KMT2C: variants seen among roughly 807,000 people sequenced by gnomAD.
The protein encoded by KMT2C is lysine methyltransferase 2C.
Under a neutral mutation model 507.9 loss-of-function variants are expected in KMT2C, and 88 were observed. That is an observed-to-expected ratio of 0.17 (90% CI 0.15 to 0.21). The LOEUF (loss-of-function observed/expected upper bound fraction) is 0.21. Among genes scored for constraint, KMT2C ranks in the 10% least tolerant of loss-of-function variants. The pLI is 1.00. For missense variants in KMT2C, 4,954 were observed against 5,957.8 expected, an observed-to-expected ratio of 0.83 and a Z score of 5.55; for synonymous variants, 2,049 against 2,080.8, an observed-to-expected ratio of 0.98 and a Z score of 0.42.
intron 39 of KMT2C, among the ~76,000 whole-genome samples, chr7:152,173,870 A>C (rs2093073117): frequency 6.6e-6 from 1 of 152,242 alleles, no homozygotes; most frequent in African/African-American, 2.4e-5. Flanking sequence ...TAATCAGGAA[A>C]TCCAATCTTC....
intron 24 of KMT2C, among the ~76,000 whole-genome samples, chr7:152,206,844 C>T (rs976731624): frequency 3.9e-5 from 6 of 152,136 alleles, no homozygotes; most frequent in Non-Finnish European, 7.4e-5. Flanking sequence ...TTCTAGGAGC[C>T]ATAATAACTC....
At chr7:152,333,505 T>G (rs1215487617) in intron 2 of KMT2C, among the ~76,000 whole-genome samples, 1 of 152,216 alleles carries the variant, frequency 6.6e-6, no homozygotes, top group Non-Finnish European at 1.5e-5. Context: ...AGTCAACATC[T>G]CTAGCACTAA....
At chr7:152,255,130 T>TATATATAC (rs2095633514) in intron 9 of KMT2C, among the ~76,000 whole-genome samples, 1 of 123,200 alleles carries the variant, frequency 8.1e-6, no homozygotes, top group African/African-American at 3.5e-5. Context: ...TATATATATA[T>TATATATAC]ATATATATAT....
intron 6 of KMT2C, among the ~76,000 whole-genome samples, chr7:152,276,285 C>T (rs2096077724): frequency 6.6e-6 from 1 of 152,062 alleles, no homozygotes; most frequent in Non-Finnish European, 1.5e-5. Context: ...CTTGTAAAAT[C>T]GTAGACAATA....
intron 2 of KMT2C, among the ~76,000 whole-genome samples, chr7:152,353,564 T>A (rs1298391125): frequency 2.0e-5 from 3 of 152,064 alleles, no homozygotes; most frequent in African/African-American, 7.2e-5. Flanking sequence ...TGCGACTGAT[T>A]ACAGGTCACT....
intron 1 of KMT2C, among the ~76,000 whole-genome samples, chr7:152,373,889 A>G (rs997058983): frequency 2.6e-5 from 4 of 152,206 alleles, no homozygotes; most frequent in Non-Finnish European, 5.9e-5. Context: ...TTTTTTAAAA[A>G]GGGACAAAGG....
At chr7:152,267,888 T>C (rs1387817223) in intron 7 of KMT2C, among the ~76,000 whole-genome samples, 1 of 152,192 alleles carries the variant, frequency 6.6e-6, no homozygotes, top group Non-Finnish European at 1.5e-5. Context: ...TTGTCTGCCA[T>C]GCACCTCACA....
intron 3 of KMT2C, among the ~76,000 whole-genome samples, chr7:152,322,702 G>C (rs2096783532): frequency 6.6e-6 from 1 of 151,906 alleles, no homozygotes; most frequent in Non-Finnish European, 1.5e-5. Flanking sequence ...TAGACAAATG[G>C]GATGGCTAAA....
chr7:152,256,353 C>T lies in KMT2C; in HGVS notation c.1300-3638G>A, dbSNP rs1324273892. Among the ~76,000 whole-genome samples, 111 of 151,762 alleles carry T rather than the reference C, an allele frequency of 7.3e-4. 1 individual carries two copies. The highest frequency in any genetic ancestry group is 4.4e-5 in the Non-Finnish European group (3 of 67,900). ...AAAAAAAAAATAATAAAAACAAAGT[C>T]AAAAGACACATAATACAGCCTGGAC... is the stretch of plus-strand genomic sequence containing the variant. On this transcript the variant is annotated intron_variant, in intron 9 of 58. Transcript: ENST00000262189.
At chr7:152,175,511 CCT>C (rs1189131696) in intron 38 of KMT2C, among the ~76,000 whole-genome samples, 2 of 151,694 alleles carry the variant, frequency 1.3e-5, no homozygotes, top group Admixed American at 1.3e-4. Flanking sequence ...TGTTCCCCTC[CCT>C]GTGTCCATGT....
At chr7:152,301,393 C>T (rs1334354204) in intron 6 of KMT2C, among the ~76,000 whole-genome samples, 1 of 151,654 alleles carries the variant, frequency 6.6e-6, no homozygotes, top group Non-Finnish European at 1.5e-5. Flanking sequence ...CCTGTAATCC[C>T]AGCTACTTGG....
Position 152,201,305 on chromosome 7 carries a change from C to CACAG in KMT2C, c.4092+1628_4092+1629insCTGT, listed in dbSNP as rs201931822. ...ACATACAGACACAGACACACACACACACACACACACACACACACACACACA... is the reference window on the plus strand; with the variant it reads ...ACATACAGACACAGACACACACACACACAGACACACACACACACACACACACACA... On this transcript the variant is annotated intron_variant, in intron 26 of 58. Transcript: ENST00000262189. 3.3e-3 allele frequency among the ~76,000 whole-genome samples: 493 copies of CACAG among 149,312 alleles called. 2 individuals carry two copies. Among genetic ancestry groups the CACAG allele is most frequent in the African/African-American group, 0.011 (433 of 39,474 alleles).
At chr7:152,187,985 A>G (rs6963460) in intron 31 of KMT2C, 138 bp from the exon 32 acceptor site, 49,266 of 795,914 alleles carry the variant, frequency 0.062, 6,216 homozygotes, top group African/African-American at 0.41. Flanking sequence ...GAATGTGGAT[A>G]GAAAACACAG....
At chr7:152,253,918 CCCTGGGTGTA>C (rs2095604512) in intron 9 of KMT2C, among the ~76,000 whole-genome samples, 2 of 152,108 alleles carry the variant, frequency 1.3e-5, no homozygotes, top group African/African-American at 4.8e-5. Flanking sequence ...CCCTGGGTAT[CCCTGGGTGTA>C]AGGTTAATAC....
At chr7:152,424,687 G>A (rs775271059) in intron 1 of KMT2C, among the ~76,000 whole-genome samples, 2 of 152,286 alleles carry the variant, frequency 1.3e-5, no homozygotes, top group East Asian at 3.9e-4. Context: ...GCCTCCCAGA[G>A]TGCTGGGACT....
At chr7:152,419,237 GCTA>G (rs1342704544) in intron 1 of KMT2C, among the ~76,000 whole-genome samples, 1 of 152,048 alleles carries the variant, frequency 6.6e-6, no homozygotes, top group African/African-American at 2.4e-5. Flanking sequence ...TGTAATCCCA[GCTA>G]CTCAGGAGGC....
intron 4 of KMT2C, 23 bp downstream of exon 4, chr7:152,315,115 C>T: frequency 6.3e-7 from 1 of 1,595,452 alleles, no homozygotes; most frequent in Non-Finnish European, 8.6e-7. Flanking sequence ...TCTATTCCAA[C>T]ATTTAAAGTC....
intron 39 of KMT2C, among the ~76,000 whole-genome samples, chr7:152,172,673 G>A (rs1028392905): frequency 1.3e-5 from 2 of 152,144 alleles, no homozygotes; most frequent in Non-Finnish European, 2.9e-5. Flanking sequence ...CAACAACAGC[G>A]AAACTCCGTC....
chr7:152,307,278 A>AAGGAAGGAAGGAAGGAAGG (rs2096628579), intron 6 of KMT2C, among the ~76,000 whole-genome samples: 47 of 107,450 alleles, frequency 4.4e-4, no homozygotes, highest in African/African-American at 1.8e-3. Flanking sequence ...AGGAAGAAAG[A>AAGGAAGGAAGGAAGGAAGG]AAGGAAGGAA....
Sources: gnomAD v4.1 joint callset for allele counts (sites outside exome capture counted in the v4.1 genomes callset) on GRCh38, gnomAD v4.1.1 for gene constraint, MANE v1.5 for transcripts, NCBI Gene and HGNC (gene_info 2026-07-23, HGNC 2026-07-21) for gene names.